TAFA5: variants seen among roughly 807,000 people sequenced by gnomAD.
The protein encoded by TAFA5 is chemokine-like protein TAFA-5.
TAFA5 carries 6 observed loss-of-function variants against 15.3 expected under a neutral mutation model. The ratio of observed to expected loss-of-function variants is 0.39; its 90% CI spans 0.21 to 0.77. TAFA5 has a LOEUF of 0.77. Ranked by LOEUF, TAFA5 falls within the 30% of genes least tolerant of loss-of-function variation. The pLI, the probability that TAFA5 is intolerant of heterozygous loss-of-function variation, is 0.41. For missense variants in TAFA5, 161 were observed against 193.1 expected (o/e 0.83, Z 0.98); for synonymous variants, 103 against 80.7 (o/e 1.28, Z -1.48).
intron 2 of TAFA5, among the ~76,000 whole-genome samples, chr22:48,689,012 GA>G (rs66472738): frequency 0.078 from 9,836 of 125,818 alleles, 1,029 homozygotes; most frequent in East Asian, 0.23. Flanking sequence ...AAAAAAAAAA[GA>G]GAGAGAAAAC....
intron 1 of TAFA5, among the ~76,000 whole-genome samples, chr22:48,630,110 G>A (rs150095880): frequency 8.5e-4 from 129 of 151,976 alleles, no homozygotes; most frequent in African/African-American, 3.0e-3. Context: ...GGGAGGCTGC[G>A]AATTCTAGAT....
chr22:48,668,694 C>T lies in TAFA5; in HGVS notation c.262+21948C>T, dbSNP rs1215518323. 6.6e-5 allele frequency among the ~76,000 whole-genome samples: 10 copies of T among 150,934 alleles called. No homozygotes were observed. The Middle Eastern group carries it at 0.014, about 214-fold the overall frequency. ...CCGGGAGCTGTAATCCCCCAGCACT[C>T]GGGGCCGCGTTTTCACTGGAAACTG... is the stretch of plus-strand genomic sequence containing the variant. On this transcript the variant is annotated intron_variant, in intron 2 of 3. Coordinates refer to ENST00000402357, the MANE Select transcript of TAFA5 (RefSeq NM_001082967.3).
intron 2 of TAFA5, among the ~76,000 whole-genome samples, chr22:48,686,159 G>T (rs1223634191): frequency 6.6e-6 from 1 of 152,212 alleles, no homozygotes; most frequent in East Asian, 1.9e-4. Flanking sequence ...TGAACTGTGG[G>T]CAGCAGGCAG....
At chr22:48,563,152 T>G (rs1182685932) in intron 1 of TAFA5, among the ~76,000 whole-genome samples, 1 of 152,212 alleles carries the variant, frequency 6.6e-6, no homozygotes, top group Non-Finnish European at 1.5e-5. Context: ...TGGCCAGGTC[T>G]TTGCGTGGCC....
intron 1 of TAFA5, among the ~76,000 whole-genome samples, chr22:48,532,529 A>G (rs1002800472): frequency 2.6e-5 from 4 of 152,178 alleles, no homozygotes; most frequent in Non-Finnish European, 4.4e-5. Flanking sequence ...TCAGTCAACG[A>G]TTACGCACTG....
intron 1 of TAFA5, among the ~76,000 whole-genome samples, chr22:48,600,113 TG>T (rs1924909497): frequency 6.6e-6 from 1 of 152,180 alleles, no homozygotes; most frequent in African/African-American, 2.4e-5. Flanking sequence ...GGGCTGAGTG[TG>T]GCCCCCCGAG....
rs116867181 is a variant in TAFA5, at chr22:48,720,550, T to A, written c.390+12706T>A. Among the ~76,000 whole-genome samples, 960 of 152,194 alleles carry A rather than the reference T, an allele frequency of 6.3e-3. 1 individual carries two copies. The highest frequency in any genetic ancestry group is 8.5e-3 in the Non-Finnish European group (577 of 68,012). On this transcript the variant is annotated intron_variant, in intron 3 of 3. Transcript: ENST00000402357. ...TTACCTGGCGGGGACTGCGGCAAGG[T>A]GCTCACATCCCACCGTGCATAGCCA...
intron 1 of TAFA5, among the ~76,000 whole-genome samples, chr22:48,616,549 T>C (rs527704972): frequency 2.0e-5 from 3 of 152,162 alleles, no homozygotes; most frequent in South Asian, 4.2e-4. Context: ...GTCCCAGAGG[T>C]CTTCCTCCTG....
intron 1 of TAFA5, among the ~76,000 whole-genome samples, chr22:48,625,775 G>T (rs778541823): frequency 6.6e-6 from 1 of 152,190 alleles, no homozygotes; most frequent in African/African-American, 2.4e-5. Context: ...AATGCATGAC[G>T]CTGTGTGTTC....
intron 1 of TAFA5, among the ~76,000 whole-genome samples, chr22:48,492,558 A>G (rs1374362416): frequency 6.6e-6 from 1 of 152,162 alleles, no homozygotes; most frequent in African/African-American, 2.4e-5. Flanking sequence ...GATGGGCTCC[A>G]CCGTCTGGCC....
intron 1 of TAFA5, among the ~76,000 whole-genome samples, chr22:48,610,590 C>G (rs1267404220): frequency 2.1e-5 from 2 of 94,000 alleles, no homozygotes; most frequent in Non-Finnish European, 5.8e-5. Flanking sequence ...TTGTCCCCAG[C>G]ATGGAGGAGC....
chr22:48,493,769 C>A (rs924618908), intron 1 of TAFA5, among the ~76,000 whole-genome samples: 2 of 152,214 alleles, frequency 1.3e-5, no homozygotes, highest in Non-Finnish European at 2.9e-5. Flanking sequence ...AGGTTTGTCC[C>A]CTCACAGGAT....
intron 3 of TAFA5, among the ~76,000 whole-genome samples, chr22:48,718,645 G>A (rs553943138): frequency 8.5e-5 from 13 of 152,228 alleles, no homozygotes; most frequent in African/African-American, 2.6e-4. Context: ...CCCCCTCCCC[G>A]CACAAGGACC....
At chr22:48,663,509 A>G (rs1927515666) in intron 2 of TAFA5, among the ~76,000 whole-genome samples, 1 of 152,182 alleles carries the variant, frequency 6.6e-6, no homozygotes, top group Non-Finnish European at 1.5e-5. Context: ...TGTCTCTATC[A>G]CCACCTGGTG....
chr22:48,724,983 C>T (rs746383525), intron 3 of TAFA5, among the ~76,000 whole-genome samples: 8 of 152,204 alleles, frequency 5.3e-5, no homozygotes, highest in Admixed American at 2.0e-4. Context: ...GGGCCAGGGG[C>T]GCACCAGGAA....
At chr22:48,671,154 C>G (rs1927790947) in intron 2 of TAFA5, among the ~76,000 whole-genome samples, 1 of 152,194 alleles carries the variant, frequency 6.6e-6, no homozygotes, top group South Asian at 2.1e-4. Flanking sequence ...AACCTGTGCC[C>G]TCCGTGTCCT....
chr22:48,624,622 G>A (rs368740283), intron 1 of TAFA5, among the ~76,000 whole-genome samples: 1 of 152,170 alleles, frequency 6.6e-6, no homozygotes, highest in African/African-American at 2.4e-5. Context: ...GGCCATGGGC[G>A]CTCCCCCTGG....
At chr22:48,693,033 C>T (rs527637349) in intron 2 of TAFA5, among the ~76,000 whole-genome samples, 4 of 152,228 alleles carry the variant, frequency 2.6e-5, no homozygotes, top group Non-Finnish European at 5.9e-5. Flanking sequence ...CAGCAGAACT[C>T]AGCAGCGTGT....
Position 48,675,727 on chromosome 22 carries a change from G to C in TAFA5, c.262+28981G>C, listed in dbSNP as rs184962289. Among the ~76,000 whole-genome samples, 105 of 152,348 alleles carry C rather than the reference G, an allele frequency of 6.9e-4. 1 individual carries two copies. The highest frequency in any genetic ancestry group is 3.8e-4 in the Non-Finnish European group (26 of 68,036). On this transcript the variant is annotated intron_variant, in intron 2 of 3. Coordinates refer to ENST00000402357, the MANE Select transcript of TAFA5 (RefSeq NM_001082967.3). The stretch of plus-strand genomic sequence containing the variant: ...TCCTGGCTCTTCCTTCACAGCTGCC[G>C]GGGAGCCCCGCCTGCTGGCTGAGGC...
Sources: gnomAD v4.1 joint callset for allele counts (sites outside exome capture counted in the v4.1 genomes callset) on GRCh38, gnomAD v4.1.1 for gene constraint, MANE v1.5 for transcripts, NCBI Gene and HGNC (gene_info 2026-07-23, HGNC 2026-07-21) for gene names.